Variants in TECTA observed in about 807,000 individuals in gnomAD.
TECTA encodes the protein tectorin alpha, also known as alpha-tectorin.
TECTA carries 128 observed loss-of-function variants against 216.8 expected under a neutral mutation model. The ratio of observed to expected loss-of-function variants is 0.59; its 90% CI spans 0.51 to 0.68. The LOEUF is 0.68. TECTA is among the 30% of genes least tolerant of loss of function. The pLI is 0.00. For synonymous variants in TECTA, 1,089 were observed against 1,117.1 expected (o/e 0.97, Z 0.50); for missense variants, 2,551 against 2,786.2 (o/e 0.92, Z 1.90).
In TECTA at chr11:121,127,565, T is replaced by A. The variant is rs1329348133; in HGVS notation, c.1775-187T>A. Among the ~76,000 whole-genome samples the A allele has an allele frequency of 1.3e-5, 2 of 152,168 alleles. No homozygotes were observed. The highest frequency in any genetic ancestry group is 2.9e-5 in the Non-Finnish European group (2 of 68,022). ...GAAGTTCACAGTCCAATCATGCTGCTCAGTAGTTATTAGGAGAGTCATTGA... is the reference window on the plus strand; with the variant it reads ...GAAGTTCACAGTCCAATCATGCTGCACAGTAGTTATTAGGAGAGTCATTGA... On this transcript the variant is annotated intron_variant, in intron 8 of 23. Coordinates refer to ENST00000392793, the MANE Select transcript of TECTA (RefSeq NM_005422.4). The surrounding 1 kb of genome is among the most constrained non-coding windows in gnomAD (Gnocchi z 5.0).
chr11:121,168,958 AGCTTCAG>A, intron 20 of TECTA, 33 bp downstream of exon 20: 1 of 1,613,876 alleles, frequency 6.2e-7, no homozygotes, highest in Non-Finnish European at 8.5e-7. Flanking sequence ...ACATTCTCAG[AGCTTCAG>A]GTATAATATT....
intron 7 of TECTA, among the ~76,000 whole-genome samples, chr11:121,123,687 A>G (rs1350029626): frequency 6.6e-6 from 1 of 152,200 alleles, no homozygotes; most frequent in Non-Finnish European, 1.5e-5. Flanking sequence ...CCTGTTCTCA[A>G]CACAAAAGCC....
chr11:121,190,075 A>C, intron 23 of TECTA, 195 bp downstream of exon 23: 1 of 593,644 alleles, frequency 1.7e-6, no homozygotes, highest in Non-Finnish European at 3.0e-6. Context: ...CAACAACAAC[A>C]AAAAAACCTT....
In TECTA at chr11:121,104,180, A is replaced by G. The variant is rs569919635; in HGVS notation, c.64+1451A>G. Among the ~76,000 whole-genome samples the G allele has an allele frequency of 7.9e-5, 12 of 152,374 alleles. No individual in the cohort carries two copies. In the South Asian group the frequency reaches 2.3e-3, roughly 29 times the overall value. ...CCATGAAGGATAAATCCATGCCAGG[A>G]CATAATTTGTTACTGTTAACTTCAG... On this transcript the variant is annotated intron_variant, in intron 2 of 23. Transcript: ENST00000392793.
intron 20 of TECTA, among the ~76,000 whole-genome samples, chr11:121,170,489 G>A (rs1464324319): frequency 6.6e-6 from 1 of 152,000 alleles, no homozygotes; most frequent in African/African-American, 2.4e-5. Context: ...GTGTGTGCGT[G>A]TGAAACCTCT....
At chr11:121,103,178 T>C (rs973171878) in intron 2 of TECTA, among the ~76,000 whole-genome samples, 2 of 152,204 alleles carry the variant, frequency 1.3e-5, no homozygotes, top group African/African-American at 2.4e-5. Context: ...AGTGACCTTT[T>C]ACGTGGCCCT....
Position 121,113,423 on chromosome 11 carries a change from G to A in TECTA, c.625-130G>A. 6.9e-7 allele frequency: 1 copy of A among 1,453,044 alleles called. No homozygotes were observed. Among genetic ancestry groups the A allele is most frequent in the Non-Finnish European group, 9.6e-7 (1 of 1,040,916 alleles). 90.0% of individuals were successfully genotyped at this position (1,453,044 alleles called of 1,614,324 possible). ...CAGTCCTTTCTCACCTAGAATGCTG[G>A]CCCCAGTGACTCCAGGAAAAGACGG... is the stretch of plus-strand genomic sequence containing the variant. On this transcript the variant is annotated intron_variant, in intron 5 of 23. Transcript: ENST00000392793. This position sits in a 1 kb window ranked among gnomAD's most constrained non-coding sequence, Gnocchi z 4.2.
rs1330989779 is a variant in TECTA at position 121,125,563 on chromosome 11, A to G, written c.1465A>G (p.Ser489Gly). The G allele has an allele frequency of 6.2e-7, 1 of 1,614,070 alleles. No homozygotes were observed. The highest frequency in any genetic ancestry group is 1.3e-5 in the African/African-American group (1 of 75,036). Residue 489 changes from serine to glycine, a missense_variant, in exon 8 of 24, where the codon AGC becomes GGC. By Grantham distance (56) the Ser-to-Gly change is moderately conservative (BLOSUM62 0). Around this residue, in one of 3 missense-constraint regions of TECTA, gnomAD observed 2,375 missense variants for 2,563.9 expected, o/e 0.93. Coordinates refer to ENST00000392793, the MANE Select transcript of TECTA (RefSeq NM_005422.4). ...PAMSVLDLGESWRVYHADWKC... is the reference protein window; with the variant it reads ...PAMSVLDLGEGWRVYHADWKC... ...CATGTCTGTCCTGGATCTGGGAGAG[A>G]GCTGGCGTGTGTACCACGCAGACTG... is the stretch of plus-strand genomic sequence containing the variant.
At chr11:121,168,422 G>A in intron 19 of TECTA, 1 of 822,486 alleles carries the variant, frequency 1.2e-6, no homozygotes, top group Admixed American at 2.3e-5. Flanking sequence ...TTAATGTGGT[G>A]GCTACATGTG....
At chr11:121,107,967 T>A (rs1016270917) in intron 3 of TECTA, among the ~76,000 whole-genome samples, 1 of 152,256 alleles carries the variant, frequency 6.6e-6, no homozygotes, top group East Asian at 1.9e-4. Flanking sequence ...GGTCTTAACC[T>A]TGTCCTTGCT....
chr11:121,142,586 A>G (rs1346326043), intron 11 of TECTA, among the ~76,000 whole-genome samples: 2 of 152,152 alleles, frequency 1.3e-5, no homozygotes, highest in Admixed American at 6.5e-5. Flanking sequence ...GTAGCCAGGG[A>G]TATAGAATGC....
At chr11:121,185,121 C>G (rs527688617) in intron 20 of TECTA, among the ~76,000 whole-genome samples, 103 of 152,354 alleles carry the variant, frequency 6.8e-4, no homozygotes, top group African/African-American at 2.5e-3. Context: ...TAAATCTCAG[C>G]TTACCCCAGT....
At chr11:121,140,388 C>A (rs918294644) in intron 11 of TECTA, among the ~76,000 whole-genome samples, 6 of 152,230 alleles carry the variant, frequency 3.9e-5, no homozygotes, top group African/African-American at 9.6e-5. Context: ...GTTAGCTCTC[C>A]CTCCAGGCAT....
chr11:121,190,445 A>C (rs1276751532), intron 23 of TECTA, among the ~76,000 whole-genome samples: 1 of 152,128 alleles, frequency 6.6e-6, no homozygotes, highest in African/African-American at 2.4e-5. Flanking sequence ...TTGTATTTTT[A>C]GTAGAGATGG....
intron 21 of TECTA, among the ~76,000 whole-genome samples, chr11:121,188,389 G>T (rs1012586097): frequency 6.6e-6 from 1 of 152,142 alleles, no homozygotes; most frequent in Non-Finnish European, 1.5e-5. Flanking sequence ...TTGCCAGTTG[G>T]CCTGGTTGAG....
Position 121,115,610 on chromosome 11 carries a change from C to T in TECTA, c.790+1892C>T, listed in dbSNP as rs553896965. Among the ~76,000 whole-genome samples the T allele has an allele frequency of 4.6e-5, 7 of 152,236 alleles. No homozygotes were observed. In the East Asian group the frequency reaches 7.7e-4, roughly 17 times the overall value. Reference sequence around the variant, plus strand: ...TTGTCTTGGCAGCCCTGGGAGGCCTCGGGGTTCTTTCTTGGCTCAGATTCA... The same window carrying T: ...TTGTCTTGGCAGCCCTGGGAGGCCTTGGGGTTCTTTCTTGGCTCAGATTCA... On this transcript the variant is annotated intron_variant, in intron 6 of 23. Transcript: ENST00000392793.
At chr11:121,111,626 G>C (rs570755101) in intron 4 of TECTA, among the ~76,000 whole-genome samples, 6 of 152,192 alleles carry the variant, frequency 3.9e-5, no homozygotes, top group African/African-American at 7.2e-5. Context: ...GATATTTCCA[G>C]CTTCACTGTG....
At chr11:121,177,239 A>G (rs1367654337) in intron 20 of TECTA, among the ~76,000 whole-genome samples, 2 of 152,164 alleles carry the variant, frequency 1.3e-5, no homozygotes, top group African/African-American at 4.8e-5. Context: ...CCTTTGGAGG[A>G]GGAGAGGCGC....
At chr11:121,178,922 G>C (rs1187185439) in intron 20 of TECTA, among the ~76,000 whole-genome samples, 1 of 152,062 alleles carries the variant, frequency 6.6e-6, no homozygotes, top group East Asian at 1.9e-4. Context: ...TATTTCTGTG[G>C]TATCAGTAGT....
Sources: allele counts gnomAD v4.1 joint callset (sites outside exome capture counted in the v4.1 genomes callset), GRCh38; gene constraint gnomAD v4.1.1; regional missense constraint gnomAD v4.1.1; non-coding constraint Gnocchi (gnomAD v3.1); transcripts MANE v1.5; gene names NCBI Gene and HGNC (gene_info 2026-07-23, HGNC 2026-07-21).